Variants in GPC6 observed in about 807,000 individuals in gnomAD.
The protein encoded by GPC6 is glypican-6.
GPC6 carries 14 observed loss-of-function variants against 55.2 expected under a neutral mutation model. That is an observed-to-expected ratio of 0.25 (90% CI 0.17 to 0.40). The LOEUF (loss-of-function observed/expected upper bound fraction) is 0.40, where lower values mean the gene tolerates loss of function less well. Among genes scored for constraint, GPC6 ranks in the 10% least tolerant of loss-of-function variants. The pLI, the probability that GPC6 is intolerant of heterozygous loss-of-function variation, is 1.00. For synonymous variants in GPC6, 278 were observed against 259.6 expected, an observed-to-expected ratio of 1.07 and a Z score of -0.68; for missense variants, 641 against 708.5, an observed-to-expected ratio of 0.90 and a Z score of 1.08.
intron 2 of GPC6, among the ~76,000 whole-genome samples, chr13:93,638,713 A>G (rs1048635060): frequency 1.3e-5 from 2 of 152,182 alleles, no homozygotes; most frequent in Admixed American, 6.6e-5. Context: ...TGACAACAAC[A>G]TTATAACCAT....
At chr13:93,533,707 C>T (rs3848058) in intron 1 of GPC6, among the ~76,000 whole-genome samples, 85,582 of 151,660 alleles carry the variant, frequency 0.56, 24,851 homozygotes, top group Middle Eastern at 0.71. Context: ...GTCACCTTGG[C>T]GTATGGCATG....
the GPC6 span, among the ~76,000 whole-genome samples, chr13:93,217,171 T>C: frequency 6.6e-6 from 1 of 152,250 alleles, no homozygotes; most frequent in African/African-American, 2.4e-5. Context: ...TAAGCTCTCA[T>C]TCATTATGAA....
At chr13:93,657,979 G>A (rs1296567176) in intron 2 of GPC6, among the ~76,000 whole-genome samples, 1 of 152,000 alleles carries the variant, frequency 6.6e-6, no homozygotes, top group Non-Finnish European at 1.5e-5. Flanking sequence ...AGAGAAAAAG[G>A]AATGCTTAGA....
At chr13:94,333,823 C>A (rs185995244) in intron 6 of GPC6, among the ~76,000 whole-genome samples, 316 of 152,210 alleles carry the variant, frequency 2.1e-3, no homozygotes, top group African/African-American at 7.4e-3. Flanking sequence ...GGGGAGCATG[C>A]AATGAAGATA....
chr13:93,678,471 C>T (rs1046532495), intron 2 of GPC6, among the ~76,000 whole-genome samples: 1 of 152,124 alleles, frequency 6.6e-6, no homozygotes, highest in Admixed American at 6.6e-5. Context: ...ATAATCTTAG[C>T]ATGTCTGAAT....
chr13:93,629,127 T>C (rs1292570141), intron 2 of GPC6, among the ~76,000 whole-genome samples: 1 of 152,028 alleles, frequency 6.6e-6, no homozygotes, highest in Non-Finnish European at 1.5e-5. Flanking sequence ...TTAAGGCCAG[T>C]TAGACAGTCT....
intron 2 of GPC6, among the ~76,000 whole-genome samples, chr13:93,800,190 G>C (rs1352787173): frequency 5.3e-5 from 8 of 152,120 alleles, no homozygotes; most frequent in Non-Finnish European, 1.0e-4. Context: ...AAAATAACTT[G>C]AAGTGAGATT....
In GPC6 at chr13:93,833,122, A is replaced by T. The variant is rs919956021; in HGVS notation, c.711+2577A>T. Among the ~76,000 whole-genome samples the T allele has an allele frequency of 8.6e-3, 1,079 of 125,996 alleles. 21 individuals are homozygous for T. Among genetic ancestry groups the T allele is most frequent in the African/African-American group, 0.032 (1,011 of 31,472 alleles). The allele number at this position is 125,996 out of a possible 152,430, so 82.7% of individuals were successfully genotyped here. The stretch of plus-strand genomic sequence containing the variant: ...AGGTAGATGATAGAGAGAGAGAGAG[A>T]GAGAGAGAGAGAGAGAGAGAGAGAG... On this transcript the variant is annotated intron_variant, in intron 3 of 8. Coordinates refer to ENST00000377047, the MANE Select transcript of GPC6 (RefSeq NM_005708.5).
Position 93,778,731 on chromosome 13 carries a change from A to G in GPC6, c.320-51423A>G, listed in dbSNP as rs558510968. On this transcript the variant is annotated intron_variant, in intron 2 of 8. Transcript: ENST00000377047. ...CCACCCTATCTCACCTCTCAGCCCT[A>G]CCCAGATAAATCCCATTCCAAGCAA... is the stretch of plus-strand genomic sequence containing the variant. 2.6e-5 allele frequency among the ~76,000 whole-genome samples: 4 copies of G among 152,238 alleles called. No individual in the cohort carries two copies. In the East Asian group the frequency reaches 7.7e-4, roughly 29 times the overall value.
At chr13:93,885,914 G>A (rs1445653310) in intron 3 of GPC6, among the ~76,000 whole-genome samples, 1 of 152,076 alleles carries the variant, frequency 6.6e-6, no homozygotes, top group Admixed American at 6.6e-5. Flanking sequence ...ATTTATGCCG[G>A]TGATGCAGGT....
chr13:93,758,538 A>T (rs1027148584), intron 2 of GPC6, among the ~76,000 whole-genome samples: 11 of 152,122 alleles, frequency 7.2e-5, no homozygotes, highest in Non-Finnish European at 1.5e-4. Flanking sequence ...TTTTGATAAT[A>T]ATCTCTGTAG....
At chr13:93,837,736 G>A (rs1566561590) in intron 3 of GPC6, among the ~76,000 whole-genome samples, 1 of 152,318 alleles carries the variant, frequency 6.6e-6, no homozygotes, top group South Asian at 2.1e-4. Context: ...TTTGGGAACT[G>A]AGAGGAGAGG....
chr13:93,587,360 C>T (rs1877253587), intron 2 of GPC6, among the ~76,000 whole-genome samples: 1 of 152,210 alleles, frequency 6.6e-6, no homozygotes, highest in South Asian at 2.1e-4. Context: ...CCGCTATTAC[C>T]ATCTGTAAAA....
At chr13:93,688,729 G>C (rs905691506) in intron 2 of GPC6, among the ~76,000 whole-genome samples, 2 of 152,032 alleles carry the variant, frequency 1.3e-5, no homozygotes, top group African/African-American at 4.8e-5. Context: ...CAAATTCGTA[G>C]AGAAAGAAAG....
At chr13:93,644,431 G>C (rs540272899) in intron 2 of GPC6, among the ~76,000 whole-genome samples, 1 of 152,028 alleles carries the variant, frequency 6.6e-6, no homozygotes, top group South Asian at 2.1e-4. Flanking sequence ...TGATCATTTA[G>C]AAACAAGCCC....
intron 3 of GPC6, among the ~76,000 whole-genome samples, chr13:93,972,236 T>C (rs1880316566): frequency 6.6e-6 from 1 of 152,222 alleles, no homozygotes; most frequent in Admixed American, 6.5e-5. Context: ...GCTGAGCTGC[T>C]CACTAAAACT....
At chr13:94,304,790 A>C (rs1425747204) in intron 5 of GPC6, among the ~76,000 whole-genome samples, 1 of 152,240 alleles carries the variant, frequency 6.6e-6, no homozygotes, top group Non-Finnish European at 1.5e-5. Context: ...TTACAATACA[A>C]TGTTTGATTT....
intron 4 of GPC6, among the ~76,000 whole-genome samples, chr13:94,061,866 A>G (rs1278040845): frequency 1.3e-5 from 2 of 152,098 alleles, no homozygotes; most frequent in South Asian, 2.1e-4. Context: ...AACCTACCCA[A>G]TTTTGAAAGA....
At chr13:93,395,921 A>G (rs1875837631) in intron 1 of GPC6, 1 of 152,224 alleles carries the variant, frequency 6.6e-6, no homozygotes, top group African/African-American at 2.4e-5. Flanking sequence ...ATAACTTTTA[A>G]TTATTTTCCA....
Sources: gnomAD v4.1 joint callset for allele counts (sites outside exome capture counted in the v4.1 genomes callset) on GRCh38, gnomAD v4.1.1 for gene constraint, MANE v1.5 for transcripts, NCBI Gene and HGNC (gene_info 2026-07-23, HGNC 2026-07-21) for gene names.